Variants in MAST4 observed in about 807,000 individuals in gnomAD.
MAST4 encodes the protein microtubule associated serine/threonine kinase family member 4.
Under a neutral mutation model 162.7 loss-of-function variants are expected in MAST4, and 89 were observed. That is an observed-to-expected ratio of 0.55 (90% CI 0.46 to 0.65). The LOEUF is 0.65. Among genes scored for constraint, MAST4 ranks in the 30% least tolerant of loss-of-function variants. The probability of loss-of-function intolerance (pLI) is 0.00; values close to 1 mark genes in which losing one functional copy is unlikely to be tolerated. For missense variants in MAST4, 3,153 were observed against 3,374.0 expected (o/e 0.93, Z 1.62); for synonymous variants, 1,479 against 1,361.1 (o/e 1.09, Z -1.91).
At position 66,759,734 on chromosome 5, in the gene MAST4, C is replaced by G. The variant is rs775033441; in HGVS notation, c.389C>G (p.Pro130Arg). 31 of 1,613,846 alleles carry G rather than the reference C, an allele frequency of 1.9e-5. No homozygotes were observed. Among genetic ancestry groups the G allele is most frequent in the Non-Finnish European group, 2.4e-5 (28 of 1,179,878 alleles). ...EELDHILSPPPMPFRKCSNPD... is the reference protein window; with the variant it reads ...EELDHILSPPRMPFRKCSNPD... Reference sequence around the variant, plus strand: ...CTTGACCACATATTATCCCCTCCACCCATGCCGTTTCGGAAATGCAGCAAC... The same window carrying G: ...CTTGACCACATATTATCCCCTCCACGCATGCCGTTTCGGAAATGCAGCAAC... The change falls in exon 2 of 29, where the codon CCC becomes CGC. Residue 130 changes from proline to arginine, a missense_variant. This residue lies in a region of MAST4 where 327 missense variants were observed against 336.5 expected (regional missense o/e 0.97). Coordinates refer to ENST00000403625, the MANE Select transcript of MAST4 (RefSeq NM_001164664.2).
intron 4 of MAST4, among the ~76,000 whole-genome samples, chr5:67,038,750 A>T (rs1327063155): frequency 6.6e-6 from 1 of 152,198 alleles, no homozygotes; most frequent in Admixed American, 6.5e-5. Flanking sequence ...AAATAAAATG[A>T]AAATGATTTC....
intron 1 of MAST4, among the ~76,000 whole-genome samples, chr5:66,704,562 A>G (rs1580245216): frequency 7.4e-6 from 1 of 134,876 alleles, no homozygotes; most frequent in Non-Finnish European, 1.5e-5. Context: ...GTGCAGTGGC[A>G]CGATCTCGGC....
At chr5:66,925,777 G>A (rs1764848005) in intron 4 of MAST4, among the ~76,000 whole-genome samples, 1 of 152,092 alleles carries the variant, frequency 6.6e-6, no homozygotes, top group South Asian at 2.1e-4. Context: ...TTTAAATCAT[G>A]TGTCTCCCTT....
intron 3 of MAST4, among the ~76,000 whole-genome samples, chr5:66,791,003 T>A (rs1339105814): frequency 6.6e-6 from 1 of 152,132 alleles, no homozygotes; most frequent in Non-Finnish European, 1.5e-5. Context: ...GAATAATATG[T>A]TTTCTTAAGT....
chr5:67,151,019 A>G (rs1771736609), intron 24 of MAST4, among the ~76,000 whole-genome samples: 1 of 152,156 alleles, frequency 6.6e-6, no homozygotes. Context: ...TAGCACTGGG[A>G]ACTTTGTAGC....
At chr5:67,067,611 C>G (rs1269276776) in intron 5 of MAST4, among the ~76,000 whole-genome samples, 1 of 152,202 alleles carries the variant, frequency 6.6e-6, no homozygotes, top group Non-Finnish European at 1.5e-5. Flanking sequence ...AACCAAGTCT[C>G]TGCTGGGACA....
At chr5:66,606,885 T>G (rs1344562488) in intron 1 of MAST4, among the ~76,000 whole-genome samples, 1 of 149,516 alleles carries the variant, frequency 6.7e-6, no homozygotes, top group Non-Finnish European at 1.5e-5. Context: ...GTATATGAAT[T>G]TACTCATTTA....
intron 5 of MAST4, among the ~76,000 whole-genome samples, chr5:67,089,779 A>G (rs1763631978): frequency 6.6e-6 from 1 of 152,236 alleles, no homozygotes; most frequent in Non-Finnish European, 1.5e-5. Flanking sequence ...CAACTGAAGC[A>G]TATGCTTACC....
At chr5:67,106,865 G>A (rs1765656973) in intron 10 of MAST4, among the ~76,000 whole-genome samples, 1 of 152,058 alleles carries the variant, frequency 6.6e-6, no homozygotes, top group African/African-American at 2.4e-5. Context: ...GGTGTTTATC[G>A]GTTCCTCAGA....
chr5:66,841,583 G>A (rs560665361), intron 3 of MAST4, among the ~76,000 whole-genome samples: 1 of 152,214 alleles, frequency 6.6e-6, no homozygotes, highest in Admixed American at 6.5e-5. Context: ...GCTATATGGT[G>A]AGAAGAAATC....
At chr5:66,850,637 T>C (rs919733860) in intron 3 of MAST4, among the ~76,000 whole-genome samples, 2 of 152,210 alleles carry the variant, frequency 1.3e-5, no homozygotes, top group African/African-American at 4.8e-5. Context: ...AGGATATGTG[T>C]ATAAGGTGTG....
At chr5:66,931,698 A>G (rs980518145) in intron 4 of MAST4, among the ~76,000 whole-genome samples, 1 of 152,210 alleles carries the variant, frequency 6.6e-6, no homozygotes, top group African/African-American at 2.4e-5. Context: ...CCATCACAAA[A>G]AATATTTAGC....
chr5:67,087,604 C>G (rs1763386467), intron 5 of MAST4, among the ~76,000 whole-genome samples: 2 of 152,262 alleles, frequency 1.3e-5, no homozygotes, highest in South Asian at 2.1e-4. Flanking sequence ...ACCTGCTAAA[C>G]TGCCCTGAAA....
At chr5:66,986,481 G>C in intron 4 of MAST4, 1 of 1,570,202 alleles carries the variant, frequency 6.4e-7, no homozygotes, top group Non-Finnish European at 8.6e-7. Context: ...ATCACCCCTT[G>C]GATGAATTGC....
intron 10 of MAST4, among the ~76,000 whole-genome samples, chr5:67,105,249 A>T (rs1338898004): frequency 6.6e-6 from 1 of 152,152 alleles, no homozygotes; most frequent in Non-Finnish European, 1.5e-5. Flanking sequence ...TATTTAGTCT[A>T]TGTATTTGTA....
At chr5:66,767,611 C>T (rs1348143065) in intron 2 of MAST4, among the ~76,000 whole-genome samples, 1 of 151,932 alleles carries the variant, frequency 6.6e-6, no homozygotes, top group Non-Finnish European at 1.5e-5. Flanking sequence ...TATATATACA[C>T]ACACACACAC....
chr5:66,872,081 T>C (rs1449011533), intron 3 of MAST4, among the ~76,000 whole-genome samples: 1 of 152,180 alleles, frequency 6.6e-6, no homozygotes, highest in East Asian at 1.9e-4. Context: ...ACCTCTGATA[T>C]AATGCTAGTT....
At chr5:67,097,650 G>A (rs1581548676) in intron 7 of MAST4, among the ~76,000 whole-genome samples, 2 of 151,964 alleles carry the variant, frequency 1.3e-5, no homozygotes, top group East Asian at 3.8e-4. Context: ...CACATACTTT[G>A]TGTTTCTAAC....
At chr5:67,088,808 G>T (rs75792370) in intron 5 of MAST4, among the ~76,000 whole-genome samples, 1 of 152,216 alleles carries the variant, frequency 6.6e-6, no homozygotes, top group Non-Finnish European at 1.5e-5. Flanking sequence ...TTAAATGGCT[G>T]TGATTGTGCT....
Sources: allele counts gnomAD v4.1 joint callset (sites outside exome capture counted in the v4.1 genomes callset), GRCh38; gene constraint gnomAD v4.1.1; regional missense constraint gnomAD v4.1.1; transcripts MANE v1.5; gene names NCBI Gene and HGNC (gene_info 2026-07-23, HGNC 2026-07-21).